Variants in ARHGAP42 observed in about 807,000 individuals in gnomAD.
The protein encoded by ARHGAP42 is rho GTPase-activating protein 42.
In ARHGAP42, 63 loss-of-function variants were observed where a neutral mutation model predicts 125.0. The ratio of observed to expected loss-of-function variants is 0.50; its 90% confidence interval spans 0.41 to 0.62. The LOEUF is 0.62. Among genes scored for constraint, ARHGAP42 ranks in the 20% least tolerant of loss-of-function variants. The probability of loss-of-function intolerance (pLI) is 0.00; values close to 1 mark genes in which losing one functional copy is unlikely to be tolerated. For synonymous variants in ARHGAP42, 339 were observed against 351.0 expected, an observed-to-expected ratio of 0.97 and a Z score of 0.38; for missense variants, 766 against 1,024.2, an observed-to-expected ratio of 0.75 and a Z score of 3.44.
At chr11:100,948,721 T>C (rs943943800) in intron 11 of ARHGAP42, among the ~76,000 whole-genome samples, 186 bp downstream of exon 11, 2 of 152,152 alleles carry the variant, frequency 1.3e-5, no homozygotes, top group African/African-American at 4.8e-5. Context: ...TCTACCTTTC[T>C]GACTTATTTT....
Position 100,703,195 on chromosome 11 carries a change from C to T in ARHGAP42, c.154+15363C>T, listed in dbSNP as rs1056495322. 1.8e-4 allele frequency among the ~76,000 whole-genome samples: 28 copies of T among 152,146 alleles called. 2 individuals carry two copies. The highest frequency in any genetic ancestry group is 6.5e-4 in the African/African-American group (27 of 41,428). The stretch of plus-strand genomic sequence containing the variant: ...GGGCTAACTTCTCAGACTAGATAAT[C>T]TGGGGGAACATCATCAGGAGTTAGA... On this transcript the variant is annotated intron_variant, in intron 1 of 23. Transcript: ENST00000298815.
intron 3 of ARHGAP42, among the ~76,000 whole-genome samples, chr11:100,797,006 A>G (rs1033025160): frequency 3.3e-5 from 5 of 152,142 alleles, no homozygotes; most frequent in Admixed American, 2.0e-4. Flanking sequence ...TGACCTCGTG[A>G]TCAGCCTGCC....
intron 15 of ARHGAP42, 127 bp downstream of exon 15, chr11:100,961,895 G>T: frequency 1.5e-6 from 1 of 650,124 alleles, no homozygotes; most frequent in South Asian, 2.3e-5. Context: ...CTTACATAAG[G>T]TGAAATAGCA....
Position 100,910,830 on chromosome 11 carries a change from T to C in ARHGAP42, c.385-2622T>C, listed in dbSNP as rs114211937. 3.9e-3 allele frequency among the ~76,000 whole-genome samples: 593 copies of C among 152,114 alleles called. 3 individuals are homozygous for C. The highest frequency in any genetic ancestry group is 0.014 in the African/African-American group (568 of 41,506). On this transcript the variant is annotated intron_variant, in intron 4 of 23. Transcript: ENST00000298815. ...TTAAACTGAGTGTGCTTTTGTTACCTACATCATTGGAACCCTTGAGATCTT... is the reference window on the plus strand; with the variant it reads ...TTAAACTGAGTGTGCTTTTGTTACCCACATCATTGGAACCCTTGAGATCTT...
At chr11:100,940,646 T>G (rs1867856089) in intron 8 of ARHGAP42, among the ~76,000 whole-genome samples, 1 of 152,214 alleles carries the variant, frequency 6.6e-6, no homozygotes, top group Non-Finnish European at 1.5e-5. Context: ...ATATAAATAG[T>G]GGAAATTATT....
At chr11:100,877,428 G>A (rs990151987) in intron 4 of ARHGAP42, among the ~76,000 whole-genome samples, 4 of 152,148 alleles carry the variant, frequency 2.6e-5, no homozygotes, top group African/African-American at 9.7e-5. Context: ...GCTCATGTAA[G>A]TTTACTCTGT....
At chr11:100,900,309 A>G (rs1458345743) in intron 4 of ARHGAP42, among the ~76,000 whole-genome samples, 1 of 152,160 alleles carries the variant, frequency 6.6e-6, no homozygotes, top group East Asian at 1.9e-4. Context: ...TTAGTGGGTA[A>G]CCTGACCTTT....
chr11:100,847,748 C>T (rs189362198), intron 3 of ARHGAP42, among the ~76,000 whole-genome samples: 193 of 152,126 alleles, frequency 1.3e-3, no homozygotes, highest in African/African-American at 4.4e-3. Flanking sequence ...GAATATAGTG[C>T]CATTCACTGA....
chr11:100,910,480 G>A (rs1378288643), intron 4 of ARHGAP42, among the ~76,000 whole-genome samples: 1 of 152,028 alleles, frequency 6.6e-6, no homozygotes, highest in Non-Finnish European at 1.5e-5. Flanking sequence ...TTAAAATAAT[G>A]CCATATCAAT....
chr11:100,880,325 C>T (rs767935392), intron 4 of ARHGAP42, among the ~76,000 whole-genome samples: 1 of 152,216 alleles, frequency 6.6e-6, no homozygotes, highest in Non-Finnish European at 1.5e-5. Context: ...CATAGCTTAG[C>T]TCCCAATTAT....
At chr11:100,781,094 T>TA (rs896766938) in intron 2 of ARHGAP42, among the ~76,000 whole-genome samples, 5 of 152,194 alleles carry the variant, frequency 3.3e-5, no homozygotes, top group African/African-American at 2.4e-5. Context: ...TTCTCTAACT[T>TA]ATGTTAAATA....
chr11:100,827,475 C>G (rs1216451076), intron 3 of ARHGAP42, among the ~76,000 whole-genome samples: 6 of 152,212 alleles, frequency 3.9e-5, no homozygotes, highest in Non-Finnish European at 8.8e-5. Flanking sequence ...CAGCAGGTGG[C>G]TGCATTCCTA....
At chr11:100,918,298 T>G (rs532778424) in intron 5 of ARHGAP42, among the ~76,000 whole-genome samples, 88 of 152,340 alleles carry the variant, frequency 5.8e-4, no homozygotes, top group African/African-American at 2.1e-3. Flanking sequence ...AAATCAAGCT[T>G]AAATCTTTTC....
At chr11:100,908,462 T>C (rs923942722) in intron 4 of ARHGAP42, among the ~76,000 whole-genome samples, 2 of 152,224 alleles carry the variant, frequency 1.3e-5, no homozygotes, top group Non-Finnish European at 2.9e-5. Context: ...GTACCCATTT[T>C]TTAGCTCTGA....
At chr11:100,846,507 C>G (rs1865068767) in intron 3 of ARHGAP42, among the ~76,000 whole-genome samples, 1 of 152,140 alleles carries the variant, frequency 6.6e-6, no homozygotes, top group African/African-American at 2.4e-5. Context: ...TCTCCACCTC[C>G]TACCCTACCC....
chr11:100,753,404 A>C (rs1467663444), intron 1 of ARHGAP42, among the ~76,000 whole-genome samples: 1 of 152,116 alleles, frequency 6.6e-6, no homozygotes, highest in Non-Finnish European at 1.5e-5. Context: ...TGGAGACAGG[A>C]ACTGGCTTTC....
At chr11:100,855,547 A>C (rs994337390) in intron 3 of ARHGAP42, among the ~76,000 whole-genome samples, 23 of 152,094 alleles carry the variant, frequency 1.5e-4, no homozygotes, top group African/African-American at 5.6e-4. Flanking sequence ...AGAAAATTAT[A>C]ATTCATGATT....
chr11:100,712,567 T>A (rs1202522501), intron 1 of ARHGAP42, among the ~76,000 whole-genome samples: 1 of 152,154 alleles, frequency 6.6e-6, no homozygotes, highest in Non-Finnish European at 1.5e-5. Flanking sequence ...TAATGAGAAC[T>A]GAGTGGCAGG....
At chr11:100,791,140 A>G (rs1458811040) in intron 2 of ARHGAP42, among the ~76,000 whole-genome samples, 3 of 152,102 alleles carry the variant, frequency 2.0e-5, no homozygotes, top group Non-Finnish European at 4.4e-5. Context: ...ATGGTCTCTT[A>G]GGGCATTTTT....
Sources: gnomAD v4.1 joint callset for allele counts (sites outside exome capture counted in the v4.1 genomes callset) on GRCh38, gnomAD v4.1.1 for gene constraint, MANE v1.5 for transcripts, NCBI Gene and HGNC (gene_info 2026-07-23, HGNC 2026-07-21) for gene names.